Variants in RBMS3 observed in about 807,000 individuals in gnomAD.
RBMS3 encodes the protein RNA binding motif single stranded interacting protein 3.
RBMS3 carries 27 observed loss-of-function variants against 66.8 expected under a neutral mutation model. The ratio of observed to expected loss-of-function variants is 0.40; its 90% CI spans 0.30 to 0.56. RBMS3 has a LOEUF of 0.56. RBMS3 is among the 20% of genes least tolerant of loss of function. The pLI is 0.40. For missense variants in RBMS3, 513 were observed against 549.5 expected (o/e 0.93, Z 0.66); for synonymous variants, 188 against 183.0 (o/e 1.03, Z -0.22).
At chr3:29,714,895 T>C (rs2053326411) in intron 4 of RBMS3, among the ~76,000 whole-genome samples, 1 of 152,156 alleles carries the variant, frequency 6.6e-6, no homozygotes, top group Non-Finnish European at 1.5e-5. Flanking sequence ...GGTGAATCTT[T>C]TTCTCCTGGG....
chr3:29,686,371 T>C (rs1040591317), intron 4 of RBMS3, among the ~76,000 whole-genome samples: 1 of 152,186 alleles, frequency 6.6e-6, no homozygotes, highest in African/African-American at 2.4e-5. Flanking sequence ...TAGCATATCA[T>C]GGACAGTTCT....
chr3:30,003,879 T>G lies in RBMS3; in HGVS notation c.*17T>G. The G allele has an allele frequency of 6.9e-7, 1 of 1,444,698 alleles. No individual in the cohort carries two copies. The highest frequency in any genetic ancestry group is 1.7e-5 in the South Asian group (1 of 59,576). The allele number at this position is 1,444,698 out of a possible 1,614,324, so 89.5% of individuals were successfully genotyped here. ...AGACCATAAACAGGACTGAAGAATG[T>G]CTGTCTGAATCTTTGCCTTGAATGA... is the stretch of plus-strand genomic sequence containing the variant. On this transcript the variant is annotated 3_prime_UTR_variant, in exon 15 of 15. Transcript: ENST00000383767.
Position 29,897,392 on chromosome 3 carries a change from C to T in RBMS3, c.805C>T (p.Pro269Ser), listed in dbSNP as rs868740296. The change falls in exon 9 of 15, where the codon CCG becomes TCG. Residue 269 changes from proline (P) to serine (S), a missense_variant. Transcript: ENST00000383767. Reference protein sequence around the residue: ...AAIQNGFYSSPYSIATNRMIP... With the variant: ...AAIQNGFYSSSYSIATNRMIP... ...TTCTGTTTGCAGATTTTATTCTTCACCGTACAGTATTGCAACCAACCGCAT... is the reference window on the plus strand; with the variant it reads ...TTCTGTTTGCAGATTTTATTCTTCATCGTACAGTATTGCAACCAACCGCAT... 6.2e-7 allele frequency: 1 copy of T among 1,610,654 alleles called. No homozygotes were observed. Among genetic ancestry groups the T allele is most frequent in the Non-Finnish European group, 8.5e-7 (1 of 1,177,736 alleles).
rs533274803 is a variant in RBMS3 at position 29,823,293 on chromosome 3, T to G, written c.638-45565T>G. Among the ~76,000 whole-genome samples the G allele has an allele frequency of 2.6e-5, 4 of 152,304 alleles. No homozygotes were observed. The South Asian group carries it at 8.3e-4, about 32-fold the overall frequency. Reference sequence around the variant, plus strand: ...GACTTTTAACAAAATAAATGGGTTTTATCTCTTTGGTACTTTATATAATTT... The same window carrying G: ...GACTTTTAACAAAATAAATGGGTTTGATCTCTTTGGTACTTTATATAATTT... On this transcript the variant is annotated intron_variant, in intron 6 of 14. Coordinates refer to ENST00000383767, the MANE Select transcript of RBMS3 (RefSeq NM_001003793.3).
intron 2 of RBMS3, among the ~76,000 whole-genome samples, chr3:29,485,975 A>G (rs1387861987): frequency 1.3e-5 from 2 of 152,156 alleles, no homozygotes. Context: ...TTACTTCAGA[A>G]ATTTTTATTT....
At chr3:29,321,839 A>G (rs1291521442) in intron 1 of RBMS3, among the ~76,000 whole-genome samples, 1 of 152,084 alleles carries the variant, frequency 6.6e-6, no homozygotes, top group African/African-American at 2.4e-5. Context: ...TTATGGGCAC[A>G]CTCGTCCTCT....
chr3:29,446,209 T>G (rs1575836118), intron 2 of RBMS3, among the ~76,000 whole-genome samples: 2 of 152,176 alleles, frequency 1.3e-5, no homozygotes, highest in African/African-American at 2.4e-5. Context: ...CTTAATTAAG[T>G]CATTGAGACT....
chr3:29,785,888 T>G (rs9837721), intron 6 of RBMS3, among the ~76,000 whole-genome samples: 46,388 of 151,670 alleles, frequency 0.31, 7,883 homozygotes, highest in African/African-American at 0.46. Flanking sequence ...AATAGATAAA[T>G]AGGAAGTCAA....
chr3:29,853,425 T>TTTC lies in RBMS3; in HGVS notation c.638-15431_638-15430insCTT, dbSNP rs200290067. Among the ~76,000 whole-genome samples, 578 of 33,728 alleles carry TTTC rather than the reference T, an allele frequency of 0.017. 8 individuals carry two copies. In the East Asian group the frequency reaches 0.38, roughly 22 times the overall value. The allele number at this position is 33,728 out of a possible 152,430, so 22.1% of individuals were successfully genotyped here. On this transcript the variant is annotated intron_variant, in intron 6 of 14. Coordinates refer to ENST00000383767, the MANE Select transcript of RBMS3 (RefSeq NM_001003793.3). The stretch of plus-strand genomic sequence containing the variant: ...TATCTTAAGCTACAATTTACTTTCT[T>TTTC]TTTTTTTTTTTTTTTTTTTTGCAGT...
At chr3:29,757,929 C>T (rs2149375901) in intron 5 of RBMS3, among the ~76,000 whole-genome samples, 1 of 152,296 alleles carries the variant, frequency 6.6e-6, no homozygotes, top group Non-Finnish European at 1.5e-5. Context: ...TTGTGTTTAG[C>T]TGTCCTGTCT....
intron 5 of RBMS3, among the ~76,000 whole-genome samples, chr3:29,757,018 TTGG>T (rs1464617160): frequency 2.0e-5 from 3 of 152,176 alleles, no homozygotes; most frequent in Non-Finnish European, 4.4e-5. Context: ...TCATTAGCCC[TTGG>T]TGTTTGAGCT....
chr3:29,868,897 G>T lies in RBMS3; in HGVS notation c.677G>T (p.Gly226Val). The change falls in exon 7 of 15, where the codon GGA becomes GTA. Residue 226 changes from glycine (G) to valine (V), a missense_variant. Gly to Val is a moderately radical substitution (Grantham distance 109, BLOSUM62 -3). Transcript: ENST00000383767. ...EPLLCKFADG[G>V]QKKRQNQSKY... is the part of the protein sequence containing the mutation. ...TTGCTGTGCAAATTCGCTGATGGAGGACAAAAGAAGCGACAGAATCAAAGC... is the reference window on the plus strand; with the variant it reads ...TTGCTGTGCAAATTCGCTGATGGAGTACAAAAGAAGCGACAGAATCAAAGC... 6.2e-7 allele frequency: 1 copy of T among 1,604,312 alleles called. No individual in the cohort carries two copies. Among genetic ancestry groups the T allele is most frequent in the Non-Finnish European group, 8.5e-7 (1 of 1,174,794 alleles).
chr3:29,955,551 C>G (rs1695979124), intron 12 of RBMS3, among the ~76,000 whole-genome samples: 1 of 151,966 alleles, frequency 6.6e-6, no homozygotes, highest in Admixed American at 6.6e-5. Context: ...GCTGTTTTAC[C>G]TGGATGACTG....
At chr3:29,969,877 A>G (rs146758897) in intron 12 of RBMS3, among the ~76,000 whole-genome samples, 2 of 152,258 alleles carry the variant, frequency 1.3e-5, no homozygotes, top group Admixed American at 1.3e-4. Context: ...CCTTCTGTCT[A>G]TAGTGTACAA....
intron 4 of RBMS3, among the ~76,000 whole-genome samples, chr3:29,721,553 G>T (rs951970733): frequency 2.6e-5 from 4 of 152,082 alleles, no homozygotes. Flanking sequence ...TCCAGATGTT[G>T]CCAACAGTCC....
chr3:29,782,354 A>G (rs550202601), intron 6 of RBMS3, among the ~76,000 whole-genome samples: 1 of 152,324 alleles, frequency 6.6e-6, no homozygotes, highest in East Asian at 1.9e-4. Flanking sequence ...TCATATCACA[A>G]GACTCTTTGC....
At chr3:29,835,561 A>T (rs988276032) in intron 6 of RBMS3, among the ~76,000 whole-genome samples, 1 of 151,866 alleles carries the variant, frequency 6.6e-6, no homozygotes, top group African/African-American at 2.4e-5. Flanking sequence ...AAAGATAATT[A>T]AAAAAATATT....
chr3:29,784,423 C>A (rs2056747886), intron 6 of RBMS3, among the ~76,000 whole-genome samples: 1 of 152,092 alleles, frequency 6.6e-6, no homozygotes, highest in East Asian at 1.9e-4. Context: ...AAATCACCTG[C>A]TCCTGAATGA....
chr3:29,468,687 T>C (rs1227206554), intron 2 of RBMS3, among the ~76,000 whole-genome samples: 1 of 152,200 alleles, frequency 6.6e-6, no homozygotes, highest in African/African-American at 2.4e-5. Flanking sequence ...AACTAGTTTA[T>C]TTCACATAAA....
Sources: gnomAD v4.1 joint callset for allele counts (sites outside exome capture counted in the v4.1 genomes callset) on GRCh38, gnomAD v4.1.1 for gene constraint, MANE v1.5 for transcripts, NCBI Gene and HGNC (gene_info 2026-07-23, HGNC 2026-07-21) for gene names.